GMDS: variants seen among roughly 807,000 people sequenced by gnomAD.
GMDS encodes GDP-mannose 4,6 dehydratase.
GMDS carries 20 observed loss-of-function variants against 49.9 expected under a neutral mutation model. The ratio of observed to expected loss-of-function variants is 0.40; its 90% confidence interval spans 0.28 to 0.58. The LOEUF is 0.58. Ranked by LOEUF, GMDS falls within the 20% of genes least tolerant of loss-of-function variation. The pLI is 0.42. For missense variants in GMDS, 362 were observed against 481.4 expected (o/e 0.75, Z 2.32); for synonymous variants, 177 against 178.6 (o/e 0.99, Z 0.07).
chr6:2,235,630 ACC>A (rs1187428658), intron 1 of GMDS, among the ~76,000 whole-genome samples: 2 of 147,466 alleles, frequency 1.4e-5, no homozygotes, highest in African/African-American at 5.0e-5. Context: ...GCACGGCAAG[ACC>A]CCATCTTAAC....
chr6:1,763,804 A>T (rs1223266920), intron 7 of GMDS, among the ~76,000 whole-genome samples: 1 of 152,160 alleles, frequency 6.6e-6, no homozygotes, highest in Non-Finnish European at 1.5e-5. Flanking sequence ...TCAGTTTGAA[A>T]CTTTGCTAGG....
chr6:1,812,783 CT>C (rs1400132318), intron 7 of GMDS, among the ~76,000 whole-genome samples: 2 of 152,124 alleles, frequency 1.3e-5, no homozygotes, highest in Non-Finnish European at 2.9e-5. Context: ...GTTTTTTCAT[CT>C]GTTTTTGAAA....
intron 7 of GMDS, among the ~76,000 whole-genome samples, chr6:1,892,425 T>C (rs1022753038): frequency 2.6e-5 from 4 of 152,176 alleles, no homozygotes; most frequent in Admixed American, 2.6e-4. Flanking sequence ...AGTGGTATGA[T>C]CTTGGCTCAC....
intron 4 of GMDS, among the ~76,000 whole-genome samples, chr6:2,089,913 G>C (rs1476685956): frequency 2.6e-5 from 4 of 152,184 alleles, no homozygotes; most frequent in Non-Finnish European, 4.4e-5. Context: ...GCCATGTGGA[G>C]AGAGGGTTTA....
chr6:1,697,333 G>A (rs1765378980), intron 9 of GMDS, among the ~76,000 whole-genome samples: 1 of 152,206 alleles, frequency 6.6e-6, no homozygotes, highest in African/African-American at 2.4e-5. Flanking sequence ...CATTTGGGAA[G>A]TTGGATCAAT....
intron 7 of GMDS, among the ~76,000 whole-genome samples, chr6:1,908,342 C>T (rs1324822229): frequency 6.6e-6 from 1 of 152,176 alleles, no homozygotes; most frequent in Non-Finnish European, 1.5e-5. Context: ...GAGAGTGAAA[C>T]TGCGGATAGG....
intron 9 of GMDS, among the ~76,000 whole-genome samples, chr6:1,669,932 A>C (rs1033512210): frequency 6.7e-6 from 1 of 150,320 alleles, no homozygotes; most frequent in African/African-American, 2.4e-5. Flanking sequence ...AAAAAAAAAA[A>C]AAAAAAAAGC....
At chr6:1,712,168 T>C (rs1303169564) in intron 9 of GMDS, among the ~76,000 whole-genome samples, 1 of 152,206 alleles carries the variant, frequency 6.6e-6, no homozygotes, top group Non-Finnish European at 1.5e-5. Context: ...TGCTGGAAAA[T>C]TAAGTCAGAT....
chr6:2,076,865 T>A (rs1039840901), intron 4 of GMDS, among the ~76,000 whole-genome samples: 6 of 152,162 alleles, frequency 3.9e-5, no homozygotes, highest in African/African-American at 1.4e-4. Context: ...GGACTTCATG[T>A]CTAAAACACC....
chr6:2,205,776 TGG>T (rs1399363591), intron 1 of GMDS, among the ~76,000 whole-genome samples: 1 of 151,998 alleles, frequency 6.6e-6, no homozygotes, highest in South Asian at 2.1e-4. Flanking sequence ...GGTGTGTGTG[TGG>T]GGGGGGAGGG....
chr6:1,649,873 G>A (rs774384783), intron 9 of GMDS, among the ~76,000 whole-genome samples: 1 of 152,218 alleles, frequency 6.6e-6, no homozygotes, highest in African/African-American at 2.4e-5. Context: ...GTCACTTTAT[G>A]AGGGTGGCCA....
intron 1 of GMDS, among the ~76,000 whole-genome samples, chr6:2,172,424 G>A (rs182253026): frequency 1.4e-4 from 21 of 152,290 alleles, no homozygotes; most frequent in Admixed American, 1.2e-3. Flanking sequence ...CGGGCGCAGT[G>A]GCTCACGCCT....
At chr6:2,104,003 T>C (rs1401712209) in intron 4 of GMDS, among the ~76,000 whole-genome samples, 1 of 152,222 alleles carries the variant, frequency 6.6e-6, no homozygotes, top group Non-Finnish European at 1.5e-5. Flanking sequence ...TCCCAGGGAA[T>C]GTTTGCCTGA....
chr6:1,934,979 C>T (rs1762456943), intron 6 of GMDS, among the ~76,000 whole-genome samples: 1 of 152,180 alleles, frequency 6.6e-6, no homozygotes, highest in Non-Finnish European at 1.5e-5. Flanking sequence ...TGCTAAGCCA[C>T]AGTGCAATGC....
At chr6:1,779,635 G>A (rs900594398) in intron 7 of GMDS, among the ~76,000 whole-genome samples, 7 of 152,158 alleles carry the variant, frequency 4.6e-5, no homozygotes, top group Admixed American at 3.3e-4. Context: ...CCCCAAAAGC[G>A]CTCTTGTGTT....
chr6:1,719,389 C>T (rs1420809307), intron 9 of GMDS, among the ~76,000 whole-genome samples: 1 of 152,126 alleles, frequency 6.6e-6, no homozygotes, highest in Non-Finnish European at 1.5e-5. Flanking sequence ...ATTTCAGCCC[C>T]AGAATATTCT....
At chr6:1,871,202 G>A (rs1393120682) in intron 7 of GMDS, among the ~76,000 whole-genome samples, 4 of 152,146 alleles carry the variant, frequency 2.6e-5, no homozygotes, top group African/African-American at 9.7e-5. Flanking sequence ...CCCTCCAGCT[G>A]GGACCTGTTT....
At chr6:2,190,541 T>C (rs1286466822) in intron 1 of GMDS, among the ~76,000 whole-genome samples, 1 of 152,238 alleles carries the variant, frequency 6.6e-6, no homozygotes, top group Non-Finnish European at 1.5e-5. Flanking sequence ...CTGAGGTCAG[T>C]GTCCTCTCGG....
At chr6:1,889,227 T>C (rs1181738652) in intron 7 of GMDS, among the ~76,000 whole-genome samples, 1 of 152,182 alleles carries the variant, frequency 6.6e-6, no homozygotes, top group African/African-American at 2.4e-5. Context: ...TGGATCTATA[T>C]GAAAAACAGC....
Sources: allele counts gnomAD v4.1 joint callset (sites outside exome capture counted in the v4.1 genomes callset), GRCh38; gene constraint gnomAD v4.1.1; transcripts MANE v1.5; gene names NCBI Gene and HGNC (gene_info 2026-07-23, HGNC 2026-07-21).